MINDY4: variants seen among roughly 807,000 people sequenced by gnomAD.
MINDY4 encodes MINDY lysine 48 deubiquitinase 4.
Under a neutral mutation model 87.0 loss-of-function variants are expected in MINDY4, and 68 were observed. The observed-to-expected ratio is 0.78, with a 90% CI of 0.64 to 0.96. The LOEUF (loss-of-function observed/expected upper bound fraction) is 0.96. Among genes scored for constraint, MINDY4 ranks in the 40% least tolerant of loss-of-function variants. MINDY4 has a pLI of 0.00. For missense variants in MINDY4, 919 were observed against 928.2 expected (o/e 0.99, Z 0.13); for synonymous variants, 379 against 363.2 (o/e 1.04, Z -0.50).
intron 9 of MINDY4, among the ~76,000 whole-genome samples, chr7:30,844,535 T>G (rs181486635): frequency 6.6e-6 from 1 of 152,106 alleles, no homozygotes; most frequent in East Asian, 1.9e-4. Flanking sequence ...TTAGGGCTTC[T>G]GTCAAGTGAA....
In MINDY4 at chr7:30,892,222, G is replaced by A. The variant is rs917441529; in HGVS notation, c.*217G>A. 5.3e-6 allele frequency: 3 copies of A among 571,176 alleles called. No individual in the cohort carries two copies. The highest frequency in any genetic ancestry group is 3.1e-6 in the Non-Finnish European group (1 of 320,532). 35.4% of individuals were successfully genotyped at this position (571,176 alleles called of 1,614,324 possible). A position where few individuals can be genotyped will look rare whatever the true frequency, so the allele number is the denominator to read the frequency against. On this transcript the variant is annotated 3_prime_UTR_variant, in exon 18 of 18. Coordinates refer to ENST00000265299, the MANE Select transcript of MINDY4 (RefSeq NM_032222.3). The stretch of plus-strand genomic sequence containing the variant: ...TGCTGGGTCCCCTCCCAGCTGAGCT[G>A]TGACTGCTGAGTACTGGAAGGAGGT...
rs1376871706 is a variant in MINDY4 at position 30,771,432 on chromosome 7, G to C, written c.-62G>C. On this transcript the variant is annotated 5_prime_UTR_variant, in exon 1 of 18. Transcript: ENST00000265299. ...CAACGCGGCCATACTGCGCCGGACA[G>C]ACCCAGTTGCCTGGTGCTGCGGCCC... 2.6e-6 allele frequency: 4 copies of C among 1,551,092 alleles called. No homozygotes were observed. The African/African-American group carries it at 4.1e-5, about 16-fold the overall frequency.
chr7:30,842,389 C>T (rs187644951), intron 9 of MINDY4, among the ~76,000 whole-genome samples: 164 of 152,306 alleles, frequency 1.1e-3, no homozygotes, highest in African/African-American at 3.8e-3. Flanking sequence ...CCCTGGTGGG[C>T]TCAACACAGT....
chr7:30,807,762 C>G (rs1787856122), intron 5 of MINDY4, among the ~76,000 whole-genome samples: 3 of 152,174 alleles, frequency 2.0e-5, no homozygotes, highest in South Asian at 4.1e-4. Flanking sequence ...CTGTTCTGTT[C>G]TAATTACCGG....
chr7:30,867,929 T>C (rs1382584876), intron 13 of MINDY4, among the ~76,000 whole-genome samples: 1 of 152,192 alleles, frequency 6.6e-6, no homozygotes, highest in Non-Finnish European at 1.5e-5. Flanking sequence ...GATTTCTTGC[T>C]CCAGTCCTCT....
At chr7:30,832,543 C>T (rs1442774626) in intron 6 of MINDY4, among the ~76,000 whole-genome samples, 1 of 152,116 alleles carries the variant, frequency 6.6e-6, no homozygotes, top group Non-Finnish European at 1.5e-5. Flanking sequence ...TGCTCTGTTG[C>T]CCAGGCTGGA....
chr7:30,844,776 G>A (rs1475663696), intron 9 of MINDY4, among the ~76,000 whole-genome samples: 1 of 152,204 alleles, frequency 6.6e-6, no homozygotes, highest in Admixed American at 6.5e-5. Context: ...GTGCTGAAGA[G>A]GGTACCAGAC....
At chr7:30,793,420 C>CT (rs59690003) in intron 5 of MINDY4, among the ~76,000 whole-genome samples, 78,489 of 140,920 alleles carry the variant, frequency 0.56, 21,983 homozygotes, top group African/African-American at 0.67. Context: ...CTTTGGTTTG[C>CT]TTTTTTTTTT....
At chr7:30,787,606 G>A (rs191974189) in intron 4 of MINDY4, among the ~76,000 whole-genome samples, 84 of 152,304 alleles carry the variant, frequency 5.5e-4, no homozygotes, top group Non-Finnish European at 9.6e-4. Flanking sequence ...GCCTTGCCTA[G>A]TAGCTCCAGA....
At chr7:30,798,790 G>T (rs553344410) in intron 5 of MINDY4, among the ~76,000 whole-genome samples, 1 of 152,308 alleles carries the variant, frequency 6.6e-6, no homozygotes, top group African/African-American at 2.4e-5. Context: ...GAGCCACTGC[G>T]CCCAGCCCTG....
At chr7:30,820,812 A>G (rs182212966) in intron 5 of MINDY4, among the ~76,000 whole-genome samples, 4 of 152,312 alleles carry the variant, frequency 2.6e-5, no homozygotes, top group East Asian at 3.9e-4. Context: ...ATTTACGCAC[A>G]TGTATTTGTT....
Position 30,850,459 on chromosome 7 carries a change from T to C in MINDY4, c.1451T>C (p.Leu484Pro), listed in dbSNP as rs1344711512. ...GDSKADCAQGLQPSDAHRTRC... is the reference protein window; with the variant it reads ...GDSKADCAQGPQPSDAHRTRC... ...CTTCCTTTTCTTGTCCGCAGGGGAC[T>C]GCAGCCTTCAGATGCCCACCGGACC... is the stretch of plus-strand genomic sequence containing the variant. Residue 484 changes from leucine (L) to proline (P), a missense_variant, in exon 10 of 18, where the codon CTG (leucine) becomes CCG (proline). Leu to Pro is a moderately conservative substitution (Grantham distance 98). Coordinates refer to ENST00000265299, the MANE Select transcript of MINDY4 (RefSeq NM_032222.3). 7 of 1,611,738 alleles carry C rather than the reference T, an allele frequency of 4.3e-6. No individual in the cohort carries two copies. The highest frequency in any genetic ancestry group is 5.9e-6 in the Non-Finnish European group (7 of 1,179,116).
intron 15 of MINDY4, among the ~76,000 whole-genome samples, chr7:30,878,123 G>T (rs949810999): frequency 3.9e-5 from 6 of 152,028 alleles, no homozygotes; most frequent in Non-Finnish European, 7.4e-5. Flanking sequence ...CAGGGCCCTT[G>T]CTCTGGCCTG....
intron 5 of MINDY4, among the ~76,000 whole-genome samples, chr7:30,807,380 C>T (rs1273590381): frequency 6.6e-6 from 1 of 152,128 alleles, no homozygotes; most frequent in Non-Finnish European, 1.5e-5. Context: ...CTGCTCAGCT[C>T]CCTAACAGAT....
chr7:30,823,455 C>A (rs1287033782), intron 5 of MINDY4, among the ~76,000 whole-genome samples: 1 of 152,162 alleles, frequency 6.6e-6, no homozygotes, highest in Admixed American at 6.6e-5. Context: ...GCACTCCCCC[C>A]ACCTTCTTCC....
intron 5 of MINDY4, among the ~76,000 whole-genome samples, chr7:30,798,244 T>A (rs1387850391): frequency 6.6e-6 from 1 of 152,182 alleles, no homozygotes; most frequent in East Asian, 1.9e-4. Flanking sequence ...ACAGTAACAA[T>A]ATGATACTAT....
chr7:30,837,037 A>T (rs562670911), intron 7 of MINDY4, among the ~76,000 whole-genome samples: 2 of 152,046 alleles, frequency 1.3e-5, no homozygotes, highest in African/African-American at 4.8e-5. Context: ...CTGCTTCATC[A>T]TGTCCCTGTG....
chr7:30,819,733 T>C (rs1489870266), intron 5 of MINDY4, among the ~76,000 whole-genome samples: 1 of 152,114 alleles, frequency 6.6e-6, no homozygotes, highest in African/African-American at 2.4e-5. Flanking sequence ...CTCTAATAAG[T>C]AAGTTTATCA....
chr7:30,888,554 T>C (rs1266955927), intron 17 of MINDY4, among the ~76,000 whole-genome samples: 1 of 152,226 alleles, frequency 6.6e-6, no homozygotes, highest in African/African-American at 2.4e-5. Flanking sequence ...ATCCCTCCCC[T>C]TTCTGTGCCT....
Sources: gnomAD v4.1 joint callset for allele counts (sites outside exome capture counted in the v4.1 genomes callset) on GRCh38, gnomAD v4.1.1 for gene constraint, MANE v1.5 for transcripts, NCBI Gene and HGNC (gene_info 2026-07-23, HGNC 2026-07-21) for gene names.